The following AUTS2 variants were observed in gnomAD, a reference collection of about 807,000 sequenced individuals.
AUTS2 encodes activator of transcription and developmental regulator AUTS2.
Under a neutral mutation model 112.4 loss-of-function variants are expected in AUTS2, and 17 were observed. The ratio of observed to expected loss-of-function variants is 0.15; its 90% confidence interval spans 0.10 to 0.23. The LOEUF (loss-of-function observed/expected upper bound fraction) is 0.23. Ranked by LOEUF, AUTS2 falls within the 10% of genes least tolerant of loss-of-function variation. AUTS2 has a pLI of 1.00. For synonymous variants in AUTS2, 751 were observed against 702.7 expected, an observed-to-expected ratio of 1.07 and a Z score of -1.09; for missense variants, 1,510 against 1,701.6, an observed-to-expected ratio of 0.89 and a Z score of 1.98.
rs976081207 is a variant in AUTS2 at position 70,789,917 on chromosome 7, C to T, written c.2701C>T (p.Arg901Cys). Residue 901 changes from arginine (R) to cysteine (C), a missense_variant, in exon 19 of 19, where the codon CGC (arginine) becomes TGC (cysteine). By Grantham distance (180) the Arg-to-Cys change is radical. Around this residue, in one of 3 missense-constraint regions of AUTS2, gnomAD observed 788 missense variants for 797.6 expected, o/e 0.99. Coordinates refer to ENST00000342771, the MANE Select transcript of AUTS2 (RefSeq NM_015570.4). Reference sequence around the variant, plus strand: ...GAGGGAGAGAGACCACTCGGAATCCCGCAAGGACCTGGCCGCCGACGAGCA... The same window carrying T: ...GAGGGAGAGAGACCACTCGGAATCCTGCAAGGACCTGGCCGCCGACGAGCA... ...KERERDHSES[R>C]KDLAADEHKA... 2.5e-6 allele frequency: 4 copies of T among 1,613,958 alleles called. No individual in the cohort carries two copies. Among genetic ancestry groups the T allele is most frequent in the African/African-American group, 1.3e-5 (1 of 74,926 alleles).
At position 69,847,857 on chromosome 7, in the gene AUTS2, C is replaced by CTGCTCT. The variant is rs151266042; in HGVS notation, c.310-51416_310-51411dup. On this transcript the variant is annotated intron_variant, in intron 1 of 18. Transcript: ENST00000342771. ...TCATCTGTCGCCTCTGAAAACAGCTCTGCTCTTGCTCTTGCTCTATTCTCA... is the reference window on the plus strand; with the variant it reads ...TCATCTGTCGCCTCTGAAAACAGCTCTGCTCTTGCTCTTGCTCTTGCTCTATTCTCA... 2.9e-3 allele frequency among the ~76,000 whole-genome samples: 448 copies of CTGCTCT among 152,348 alleles called. 4 individuals carry two copies. The highest frequency in any genetic ancestry group is 0.01 in the African/African-American group (428 of 41,590).
chr7:70,222,670 G>A (rs925257882), intron 4 of AUTS2, among the ~76,000 whole-genome samples: 8 of 151,422 alleles, frequency 5.3e-5, no homozygotes, highest in African/African-American at 1.9e-4. Context: ...TGCAATGTTA[G>A]GAAATGACTT....
chr7:70,560,934 A>T (rs975266708), intron 5 of AUTS2, among the ~76,000 whole-genome samples: 2 of 152,252 alleles, frequency 1.3e-5, no homozygotes, highest in African/African-American at 4.8e-5. Flanking sequence ...GCTTTGGCTT[A>T]CAATCATTCT....
At chr7:69,679,703 A>G (rs751067377) in intron 1 of AUTS2, among the ~76,000 whole-genome samples, 6 of 152,200 alleles carry the variant, frequency 3.9e-5, no homozygotes, top group South Asian at 4.1e-4. Context: ...TTGCATTTCT[A>G]TGTTTTGGGC....
intron 2 of AUTS2, among the ~76,000 whole-genome samples, chr7:70,038,244 A>G (rs1460253263): frequency 6.6e-6 from 1 of 152,156 alleles, no homozygotes; most frequent in Non-Finnish European, 1.5e-5. Flanking sequence ...GTACCTGGGA[A>G]CTTTCTTCAT....
At chr7:69,756,027 C>T (rs1207517137) in intron 1 of AUTS2, among the ~76,000 whole-genome samples, 1 of 152,214 alleles carries the variant, frequency 6.6e-6, no homozygotes, top group Non-Finnish European at 1.5e-5. Context: ...ACTGCTTTCT[C>T]ACCAGAGGTC....
chr7:70,729,852 T>TTGTA (rs56233310), intron 6 of AUTS2, among the ~76,000 whole-genome samples: 35,491 of 148,702 alleles, frequency 0.24, 4,281 homozygotes, highest in Middle Eastern at 0.3. Context: ...TGTTTGCCCA[T>TTGTA]TGTATGTATG....
intron 5 of AUTS2, among the ~76,000 whole-genome samples, chr7:70,653,696 C>T (rs1343913220): frequency 6.6e-6 from 1 of 152,162 alleles, no homozygotes; most frequent in Admixed American, 6.5e-5. Flanking sequence ...ACAGAGCTTG[C>T]CCATGATGGC....
chr7:70,561,677 G>A (rs969437001), intron 5 of AUTS2, among the ~76,000 whole-genome samples: 5 of 152,096 alleles, frequency 3.3e-5, no homozygotes, highest in Admixed American at 3.3e-4. Flanking sequence ...AGGTTGATAA[G>A]ATGGCTACAA....
intron 5 of AUTS2, among the ~76,000 whole-genome samples, chr7:70,583,908 A>G (rs1272950180): frequency 1.3e-5 from 2 of 152,268 alleles, no homozygotes; most frequent in Non-Finnish European, 2.9e-5. Flanking sequence ...GCAGGATATC[A>G]GAAACAAAAA....
At chr7:69,642,778 G>A (rs891803940) in intron 1 of AUTS2, among the ~76,000 whole-genome samples, 1 of 152,108 alleles carries the variant, frequency 6.6e-6, no homozygotes, top group East Asian at 1.9e-4. Context: ...TTATTGATTT[G>A]TGAGGGAAAA....
At chr7:70,176,574 C>T (rs1808999669) in intron 4 of AUTS2, among the ~76,000 whole-genome samples, 1 of 152,140 alleles carries the variant, frequency 6.6e-6, no homozygotes, top group African/African-American at 2.4e-5. Flanking sequence ...CTTACATATG[C>T]CATTTGATAA....
At chr7:70,672,512 G>A (rs904919432) in intron 5 of AUTS2, among the ~76,000 whole-genome samples, 1 of 152,212 alleles carries the variant, frequency 6.6e-6, no homozygotes, top group African/African-American at 2.4e-5. Context: ...TTAAAGGCCA[G>A]AGTTACTCTC....
chr7:69,770,962 A>G (rs567875204), intron 1 of AUTS2, among the ~76,000 whole-genome samples: 109 of 152,314 alleles, frequency 7.2e-4, no homozygotes, highest in Non-Finnish European at 1.4e-3. Flanking sequence ...GTTAATGGCC[A>G]GTTGGTTTTA....
intron 1 of AUTS2, among the ~76,000 whole-genome samples, chr7:69,759,644 G>C (rs1056631445): frequency 2.6e-5 from 4 of 151,724 alleles, no homozygotes; most frequent in African/African-American, 9.7e-5. Context: ...TGGACAGTTA[G>C]ATCTCCTCAG....
intron 2 of AUTS2, among the ~76,000 whole-genome samples, chr7:70,115,228 A>G (rs1442219182): frequency 6.6e-6 from 1 of 152,174 alleles, no homozygotes; most frequent in African/African-American, 2.4e-5. Context: ...CCCAGGTGCA[A>G]TGTCCAGGTT....
At chr7:70,628,233 A>G (rs1805054468) in intron 5 of AUTS2, among the ~76,000 whole-genome samples, 2 of 152,014 alleles carry the variant, frequency 1.3e-5, no homozygotes. Context: ...CAGATTTACC[A>G]TGAAGCTCTT....
rs1355623891 is a variant in AUTS2 at position 70,528,113 on chromosome 7, T to TA, written c.690+92332_690+92333insA. Among the ~76,000 whole-genome samples, 12 of 149,950 alleles carry TA rather than the reference T, an allele frequency of 8.0e-5. 1 individual carries two copies. Among genetic ancestry groups the TA allele is most frequent in the African/African-American group, 1.5e-4 (6 of 40,852 alleles). ...TAAGGATTTTTTTTTTTTTTTTTTT[T>TA]TTTTTTACTGGAGTGTTACACAGAT... On this transcript the variant is annotated intron_variant, in intron 5 of 18. Transcript: ENST00000342771.
At chr7:69,928,790 G>A (rs1346689314) in intron 2 of AUTS2, among the ~76,000 whole-genome samples, 1 of 152,112 alleles carries the variant, frequency 6.6e-6, no homozygotes, top group African/African-American at 2.4e-5. Flanking sequence ...CTGCACCTGG[G>A]AGTGTGGGTT....
Sources: gnomAD v4.1 joint callset for allele counts (sites outside exome capture counted in the v4.1 genomes callset) on GRCh38, gnomAD v4.1.1 for gene constraint, gnomAD v4.1.1 regional missense constraint, MANE v1.5 for transcripts, NCBI Gene and HGNC (gene_info 2026-07-23, HGNC 2026-07-21) for gene names.